The following MYO9A variants were observed in gnomAD, a reference collection of about 807,000 sequenced individuals.
MYO9A encodes the protein myosin IXA, also known as unconventional myosin-IXa.
Under a neutral mutation model 293.3 loss-of-function variants are expected in MYO9A, and 103 were observed. That is an observed-to-expected ratio of 0.35 (90% CI 0.30 to 0.41). The LOEUF is 0.41. MYO9A is among the 10% of genes least tolerant of loss of function. The pLI, the probability that MYO9A is intolerant of heterozygous loss-of-function variation, is 1.00. For synonymous variants in MYO9A, 1,001 were observed against 1,035.7 expected (o/e 0.97, Z 0.64); for missense variants, 2,685 against 3,033.0 (o/e 0.89, Z 2.69).
intron 34 of MYO9A, among the ~76,000 whole-genome samples, chr15:71,855,136 T>G (rs762745679): frequency 6.6e-6 from 1 of 152,182 alleles, no homozygotes; most frequent in Non-Finnish European, 1.5e-5. Flanking sequence ...ATTCATGCAT[T>G]CATTCATTCA....
chr15:71,975,231 G>A (rs1032606303), intron 12 of MYO9A, among the ~76,000 whole-genome samples: 9 of 152,130 alleles, frequency 5.9e-5, no homozygotes, highest in African/African-American at 2.2e-4. Flanking sequence ...GTATGTTTGA[G>A]TTGTATATTC....
intron 18 of MYO9A, among the ~76,000 whole-genome samples, chr15:71,923,443 ATTC>A (rs1389129173): frequency 6.6e-6 from 1 of 152,202 alleles, no homozygotes; most frequent in East Asian, 1.9e-4. Context: ...ACTGAGACTC[ATTC>A]TTCTTCAAAT....
intron 15 of MYO9A, among the ~76,000 whole-genome samples, chr15:71,940,461 T>C (rs2058745217): frequency 6.6e-6 from 1 of 151,926 alleles, no homozygotes; most frequent in African/African-American, 2.4e-5. Flanking sequence ...CACTGCATTC[T>C]AGCCTGGGTG....
At chr15:72,016,507 G>A (rs1404797831) in intron 6 of MYO9A, among the ~76,000 whole-genome samples, 4 of 152,148 alleles carry the variant, frequency 2.6e-5, no homozygotes, top group Admixed American at 2.6e-4. Flanking sequence ...AAATACATAA[G>A]TAATGTAGTA....
chr15:71,878,259 G>T, intron 30 of MYO9A, 28 bp from the exon 31 acceptor site: 2 of 1,448,244 alleles, frequency 1.4e-6, no homozygotes, highest in South Asian at 1.5e-5. Flanking sequence ...AGAAATGTAT[G>T]GTTTTATAAA....
intron 32 of MYO9A, among the ~76,000 whole-genome samples, chr15:71,865,895 C>A (rs1478075391): frequency 2.6e-5 from 4 of 152,190 alleles, no homozygotes; most frequent in African/African-American, 4.8e-5. Context: ...AGACAACCAT[C>A]ATATCATGGT....
chr15:71,986,634 CTTTGCT>C (rs985078003), intron 11 of MYO9A, among the ~76,000 whole-genome samples: 1 of 151,996 alleles, frequency 6.6e-6, no homozygotes, highest in African/African-American at 2.4e-5. Context: ...ATGTATGTGT[CTTTGCT>C]TTTAACAAAA....
chr15:71,988,696 G>A (rs2148296567), intron 11 of MYO9A, among the ~76,000 whole-genome samples: 2 of 152,240 alleles, frequency 1.3e-5, no homozygotes, highest in Admixed American at 1.3e-4. Context: ...CCTGCTAGCT[G>A]TTGTAGTCTT....
intron 2 of MYO9A, among the ~76,000 whole-genome samples, chr15:72,037,341 A>T (rs1458487898): frequency 6.6e-6 from 1 of 151,918 alleles, no homozygotes; most frequent in African/African-American, 2.4e-5. Context: ...GACTCTGAAA[A>T]CATCTGAAAT....
In MYO9A at chr15:71,880,498, T is replaced by C. The variant is rs1437731142; in HGVS notation, c.5459A>G (p.Lys1820Arg). The change falls in exon 29 of 42, where the codon AAG becomes AGG. Residue 1820 changes from lysine (K) to arginine (R), a missense_variant. By Grantham distance (26) the Lys-to-Arg change is conservative. This residue lies in a region of MYO9A where 1,434 missense variants were observed against 1,497.7 expected (regional missense o/e 0.96). Transcript: ENST00000356056. ...LSPELPGSCR[K>R]EFKENKEPSP... ...AGGTTCTTTGTTCTCTTTGAATTCC[T>C]TCCGGCAACTGCCGGGCAGTTCTGG... is the stretch of plus-strand genomic sequence containing the variant. 1.9e-6 allele frequency: 3 copies of C among 1,614,110 alleles called. No homozygotes were observed. In the African/African-American group the frequency reaches 4.0e-5, roughly 22 times the overall value.
chr15:71,900,582 A>G (rs893216975), intron 23 of MYO9A, among the ~76,000 whole-genome samples: 1 of 152,192 alleles, frequency 6.6e-6, no homozygotes, highest in Admixed American at 6.5e-5. Flanking sequence ...TAATTACAGA[A>G]CCTAATTTAA....
chr15:71,964,735 C>A (rs932689580), intron 13 of MYO9A, among the ~76,000 whole-genome samples: 1 of 151,824 alleles, frequency 6.6e-6, no homozygotes, highest in Non-Finnish European at 1.5e-5. Flanking sequence ...TGCAGTGAGC[C>A]GAGATCGCGC....
At chr15:72,046,695 G>C in intron 1 of MYO9A, 61 bp from the exon 2 acceptor site, 4 of 1,143,174 alleles carry the variant, frequency 3.5e-6, no homozygotes, top group Non-Finnish European at 3.6e-6. Context: ...TGATGCTCAA[G>C]AAAGAAAAGC....
intron 26 of MYO9A, 164 bp from the exon 27 acceptor site, chr15:71,888,280 T>C (rs1348051556): frequency 2.5e-6 from 1 of 395,798 alleles, no homozygotes; most frequent in Non-Finnish European, 4.5e-6. Flanking sequence ...AAACTCTATA[T>C]AAAGTAATCT....
At chr15:71,998,316 G>A (rs1005254304) in intron 9 of MYO9A, among the ~76,000 whole-genome samples, 1 of 152,086 alleles carries the variant, frequency 6.6e-6, no homozygotes, top group Admixed American at 6.5e-5. Context: ...TGGGAGGAGG[G>A]AGAGGATCAG....
At chr15:72,059,312 A>T (rs2078812880) in intron 1 of MYO9A, among the ~76,000 whole-genome samples, 1 of 152,236 alleles carries the variant, frequency 6.6e-6, no homozygotes, top group East Asian at 1.9e-4. Context: ...GAAAAATAAA[A>T]TGTGCAAGTC....
chr15:72,104,766 G>A (rs896178196), intron 1 of MYO9A, among the ~76,000 whole-genome samples: 4 of 152,022 alleles, frequency 2.6e-5, no homozygotes, highest in African/African-American at 9.7e-5. Flanking sequence ...CATCTGTTCT[G>A]CCCTACTATA....
chr15:71,909,979 A>G (rs2144339503), intron 19 of MYO9A, among the ~76,000 whole-genome samples: 1 of 151,704 alleles, frequency 6.6e-6, no homozygotes, highest in South Asian at 2.1e-4. Flanking sequence ...GTCTCAAAAT[A>G]ATGATAATAA....
chr15:71,982,187 C>CT (rs1277756685), intron 11 of MYO9A, among the ~76,000 whole-genome samples: 1 of 151,162 alleles, frequency 6.6e-6, no homozygotes, highest in Non-Finnish European at 1.5e-5. Flanking sequence ...GCCTGGCTAA[C>CT]TTTTTTGTAT....
Sources: allele counts gnomAD v4.1 joint callset (sites outside exome capture counted in the v4.1 genomes callset), GRCh38; gene constraint gnomAD v4.1.1; regional missense constraint gnomAD v4.1.1; transcripts MANE v1.5; gene names NCBI Gene and HGNC (gene_info 2026-07-23, HGNC 2026-07-21).